The following POU2F1 variants were observed in gnomAD, a reference collection of about 807,000 sequenced individuals.
POU2F1 encodes POU class 2 homeobox 1.
A neutral mutation model predicts 84.9 loss-of-function variants in POU2F1; 16 were observed. The observed-to-expected ratio is 0.19, with a 90% CI of 0.13 to 0.29. POU2F1 has a LOEUF of 0.29. POU2F1 is among the 10% of genes least tolerant of loss of function. The pLI is 1.00. For synonymous variants in POU2F1, 368 were observed against 368.3 expected, an observed-to-expected ratio of 1.00 and a Z score of 0.01; for missense variants, 738 against 942.6, an observed-to-expected ratio of 0.78 and a Z score of 2.84.
chr1:167,335,814 G>A (rs1173554165), intron 2 of POU2F1, among the ~76,000 whole-genome samples: 1 of 152,182 alleles, frequency 6.6e-6, no homozygotes, highest in African/African-American at 2.4e-5. Flanking sequence ...GGATTGATGA[G>A]CCTTTTGAGG....
In POU2F1 at chr1:167,401,503, T is replaced by C. The variant is rs779526093; in HGVS notation, c.1502T>C (p.Val501Ala). The stretch of plus-strand genomic sequence containing the variant: ...AGCAGTGCAGCAACTACCCTCACAG[T>C]CAGCCCTGTCCTCCCTCTGACCAGT... ...VTSSAATTLT[V>A]SPVLPLTSAA... The change falls in exon 13 of 16, where the codon GTC (valine) becomes GCC (alanine). Residue 501 changes from valine to alanine, a missense_variant. Val to Ala is a moderately conservative substitution (Grantham distance 64). Transcript: ENST00000367866. The C allele has an allele frequency of 1.2e-6, 2 of 1,613,414 alleles. No homozygotes were observed. The highest frequency in any genetic ancestry group is 1.7e-6 in the Non-Finnish European group (2 of 1,179,762).
chr1:167,253,571 G>A (rs1424504719), intron 1 of POU2F1, among the ~76,000 whole-genome samples: 1 of 151,948 alleles, frequency 6.6e-6, no homozygotes, highest in African/African-American at 2.4e-5. Flanking sequence ...GACCACAGGT[G>A]CCTGCCACCA....
rs536927444 is a variant in POU2F1 at position 167,330,907 on chromosome 1, G to C, written c.62-1563G>C. On this transcript the variant is annotated intron_variant, in intron 1 of 15. Coordinates refer to ENST00000367866, the MANE Select transcript of POU2F1 (RefSeq NM_002697.4). ...CACTTTCCTTTAAAATTCATTTAAA[G>C]GAAGCATGGAGCAGTATGTATGCTA... Among the ~76,000 whole-genome samples, 3 of 152,118 alleles carry C rather than the reference G, an allele frequency of 2.0e-5. No individual in the cohort carries two copies. In the South Asian group the frequency reaches 6.2e-4, roughly 32 times the overall value.
intron 11 of POU2F1, among the ~76,000 whole-genome samples, chr1:167,398,344 G>A (rs1307093885): frequency 6.6e-6 from 1 of 152,184 alleles, no homozygotes; most frequent in African/African-American, 2.4e-5. Flanking sequence ...ATCCATGCAA[G>A]CACTCAGTAT....
At chr1:167,399,565 C>G (rs114677427) in intron 12 of POU2F1, among the ~76,000 whole-genome samples, 200 bp downstream of exon 12, 3,631 of 152,340 alleles carry the variant, frequency 0.024, 57 homozygotes, top group South Asian at 0.046. Flanking sequence ...CTCTCTCTCT[C>G]TCTCTGCTGA....
rs368658913 is a variant in POU2F1 at position 167,371,911 on chromosome 1, C to T, written c.283-6C>T. The T allele has an allele frequency of 3.5e-5, 57 of 1,614,140 alleles. No individual in the cohort carries two copies. The highest frequency in any genetic ancestry group is 4.7e-5 in the Non-Finnish European group (55 of 1,179,996). ...AATCTTTTATTTCCTACCCACCCCA[C>T]CTCAGTCTAAATCTAATGAAGAATC... On this transcript the variant is annotated splice_region_variant and splice_polypyrimidine_tract_variant and intron_variant, in intron 4 of 15. Transcript: ENST00000367866.
chr1:167,221,550 G>A (rs578016950), intron 1 of POU2F1, among the ~76,000 whole-genome samples: 1 of 149,730 alleles, frequency 6.7e-6, no homozygotes, highest in Non-Finnish European at 1.5e-5. Flanking sequence ...CCCGGGAGCG[G>A]GCCCGGGCGG....
intron 11 of POU2F1, 123 bp from the exon 12 acceptor site, chr1:167,399,063 G>C (rs3767435): frequency 0.063 from 48,532 of 768,754 alleles, 1,899 homozygotes; most frequent in East Asian, 0.15. Context: ...TTTGTTGAAA[G>C]TGGCCTAATG....
intron 12 of POU2F1, 39 bp downstream of exon 12, chr1:167,399,404 A>T: frequency 6.5e-7 from 1 of 1,533,814 alleles, no homozygotes. Context: ...TCAAGGGCTA[A>T]TTTTTGCAAT....
chr1:167,271,854 C>A (rs1293076844), intron 1 of POU2F1, among the ~76,000 whole-genome samples: 1 of 152,026 alleles, frequency 6.6e-6, no homozygotes, highest in African/African-American at 2.4e-5. Context: ...GGCCCTTGAG[C>A]TAAGAATGAT....
intron 2 of POU2F1, among the ~76,000 whole-genome samples, chr1:167,351,648 A>G (rs181388741): frequency 2.9e-4 from 44 of 152,166 alleles, no homozygotes; most frequent in African/African-American, 1.0e-3. Flanking sequence ...TTTTGGAAAT[A>G]TTATTTATAA....
intron 2 of POU2F1, among the ~76,000 whole-genome samples, chr1:167,345,109 C>T (rs562872188): frequency 4.6e-5 from 7 of 152,178 alleles, no homozygotes; most frequent in African/African-American, 1.7e-4. Context: ...AGCAAACCAC[C>T]GTGGTACACG....
At chr1:167,253,797 G>T in intron 1 of POU2F1, among the ~76,000 whole-genome samples, 1 of 151,954 alleles carries the variant, frequency 6.6e-6, no homozygotes, top group East Asian at 1.9e-4. Flanking sequence ...TTTTAATTTG[G>T]TGCCAGGTTT....
rs148064782 is a variant in POU2F1 at position 167,376,070 on chromosome 1, C to T, written c.633C>T (p.Asn211=). Residue 211 remains asparagine, a synonymous_variant, in exon 7 of 16, where the codon AAC becomes AAT. Coordinates refer to ENST00000367866, the MANE Select transcript of POU2F1 (RefSeq NM_002697.4). ...QLQQLQQQNL[N]LQQFVLVHPT... is the part of the protein sequence containing the mutation. The stretch of plus-strand genomic sequence containing the variant: ...AACAGCTTCAACAGCAGAATCTCAA[C>T]CTGCAACAGTTTGTGTTGGTGCATC... 5.1e-5 allele frequency: 82 copies of T among 1,614,044 alleles called. 1 individual carries two copies. The highest frequency in any genetic ancestry group is 3.3e-4 in the Middle Eastern group (2 of 6,084).
Position 167,257,587 on chromosome 1 carries a change from G to A in POU2F1, c.61+36629G>A, listed in dbSNP as rs139065947. Among the ~76,000 whole-genome samples the A allele has an allele frequency of 3.8e-4, 58 of 152,262 alleles. No individual in the cohort carries two copies. The East Asian group carries it at 8.7e-3, about 23-fold the overall frequency. Reference sequence around the variant, plus strand: ...TTTATTAAAACTATTTGAGGCAAAAGGGTATTGAAGAAAATGGGAAATGTA... The same window carrying A: ...TTTATTAAAACTATTTGAGGCAAAAAGGTATTGAAGAAAATGGGAAATGTA... On this transcript the variant is annotated intron_variant, in intron 1 of 15. Transcript: ENST00000367866.
At chr1:167,330,089 T>C (rs1237923427) in intron 1 of POU2F1, among the ~76,000 whole-genome samples, 1 of 152,200 alleles carries the variant, frequency 6.6e-6, no homozygotes, top group Non-Finnish European at 1.5e-5. Context: ...ATGGTGGTCA[T>C]ATTTTGTGTG....
chr1:167,291,390 CTATTT>C (rs1653914810), intron 1 of POU2F1, among the ~76,000 whole-genome samples: 1 of 152,152 alleles, frequency 6.6e-6, no homozygotes, highest in South Asian at 2.1e-4. Context: ...GGTGCTTAAG[CTATTT>C]TTGTGAAGTG....
chr1:167,375,946 A>T, intron 6 of POU2F1, 83 bp from the exon 7 acceptor site: 2 of 1,483,274 alleles, frequency 1.3e-6, no homozygotes, highest in Non-Finnish European at 9.3e-7. Context: ...TGGATGTGAC[A>T]GAAGTCATCA....
intron 1 of POU2F1, among the ~76,000 whole-genome samples, chr1:167,236,318 G>A (rs1302988023): frequency 6.6e-6 from 1 of 151,976 alleles, no homozygotes; most frequent in Admixed American, 6.6e-5. Context: ...GGCCAGGCAG[G>A]TGTTGAACTC....
Sources: allele counts gnomAD v4.1 joint callset (sites outside exome capture counted in the v4.1 genomes callset), GRCh38; gene constraint gnomAD v4.1.1; transcripts MANE v1.5; gene names NCBI Gene and HGNC (gene_info 2026-07-23, HGNC 2026-07-21).